FRYL: variants seen among roughly 807,000 people sequenced by gnomAD.
The protein encoded by FRYL is protein furry homolog-like.
In FRYL, 150 loss-of-function variants were observed where a neutral mutation model predicts 351.2. The ratio of observed to expected loss-of-function variants is 0.43; its 90% CI spans 0.37 to 0.49. The LOEUF is 0.49. Among genes scored for constraint, FRYL ranks in the 20% least tolerant of loss-of-function variants. FRYL has a pLI of 0.00. For missense variants in FRYL, 3,036 were observed against 3,619.3 expected, an observed-to-expected ratio of 0.84 and a Z score of 4.13; for synonymous variants, 1,153 against 1,257.1, an observed-to-expected ratio of 0.92 and a Z score of 1.75.
chr4:48,533,269 T>C (rs1728099773), intron 49 of FRYL, among the ~76,000 whole-genome samples: 1 of 150,356 alleles, frequency 6.7e-6, no homozygotes, highest in East Asian at 1.9e-4. Flanking sequence ...TTTTATAAGT[T>C]TTTTTTTTTT....
In FRYL at chr4:48,627,117, ACAGT is replaced by A. The variant is rs372242325; in HGVS notation, c.121-3942_121-3939del. 4.6e-5 allele frequency among the ~76,000 whole-genome samples: 7 copies of A among 152,308 alleles called. No homozygotes were observed. In the East Asian group the frequency reaches 1.3e-3, roughly 29 times the overall value. Reference sequence around the variant, plus strand: ...TAACTAGCTCTAACACTTCAGTGAAACAGTCAGTATGTCTCATAATAAGTCCTGT... The same window carrying A: ...TAACTAGCTCTAACACTTCAGTGAAACAGTATGTCTCATAATAAGTCCTGT... On this transcript the variant is annotated intron_variant, in intron 4 of 63. Coordinates refer to ENST00000358350, the MANE Select transcript of FRYL (RefSeq NM_015030.2).
chr4:48,615,141 T>C (rs1749167287), intron 7 of FRYL, among the ~76,000 whole-genome samples: 1 of 152,186 alleles, frequency 6.6e-6, no homozygotes, highest in African/African-American at 2.4e-5. Flanking sequence ...AATGCTTTTA[T>C]CACATTATGA....
At chr4:48,720,407 G>A (rs1034865772) in intron 1 of FRYL, among the ~76,000 whole-genome samples, 2 of 152,112 alleles carry the variant, frequency 1.3e-5, no homozygotes, top group African/African-American at 4.8e-5. Flanking sequence ...TGAGGCAGGA[G>A]AACTGCTTGA....
At chr4:48,572,482 C>G (rs1738554012) in intron 26 of FRYL, among the ~76,000 whole-genome samples, 2 of 152,162 alleles carry the variant, frequency 1.3e-5, no homozygotes, top group African/African-American at 4.8e-5. Flanking sequence ...TGTTCTTTGC[C>G]TAGAATACCT....
At chr4:48,733,964 A>T (rs1771008079) in intron 1 of FRYL, among the ~76,000 whole-genome samples, 1 of 152,196 alleles carries the variant, frequency 6.6e-6, no homozygotes, top group South Asian at 2.1e-4. Context: ...TTAGAACCAC[A>T]AAAGGCATAA....
At chr4:48,532,249 T>C (rs1727821962) in intron 49 of FRYL, among the ~76,000 whole-genome samples, 1 of 152,204 alleles carries the variant, frequency 6.6e-6, no homozygotes, top group African/African-American at 2.4e-5. Context: ...TTTGGCAGAA[T>C]TGGGTTATCC....
At chr4:48,607,519 T>A (rs1747115869) in intron 9 of FRYL, among the ~76,000 whole-genome samples, 1 of 152,156 alleles carries the variant, frequency 6.6e-6, no homozygotes, top group Non-Finnish European at 1.5e-5. Flanking sequence ...AATCCAAGGA[T>A]TTTTTCCTTT....
At chr4:48,681,685 C>CA (rs1249845889) in intron 3 of FRYL, among the ~76,000 whole-genome samples, 10 of 151,692 alleles carry the variant, frequency 6.6e-5, no homozygotes, top group Non-Finnish European at 1.3e-4. Flanking sequence ...TTTTAAACAC[C>CA]AAAAAAACTC....
chr4:48,666,838 G>T (rs533644912), intron 3 of FRYL, among the ~76,000 whole-genome samples: 1 of 151,874 alleles, frequency 6.6e-6, no homozygotes, highest in Non-Finnish European at 1.5e-5. Context: ...ATCATCAAAC[G>T]GCCCATTTAA....
intron 47 of FRYL, among the ~76,000 whole-genome samples, chr4:48,539,758 TCTAA>T (rs1168205219): frequency 1.3e-5 from 2 of 152,196 alleles, no homozygotes; most frequent in African/African-American, 4.8e-5. Context: ...GGAGTGTTAC[TCTAA>T]CTAAATAATT....
At chr4:48,590,461 C>G (rs1743012372) in intron 17 of FRYL, among the ~76,000 whole-genome samples, 198 bp downstream of exon 17, 1 of 151,784 alleles carries the variant, frequency 6.6e-6, no homozygotes. Context: ...CCAGCCTGGG[C>G]AACAAAGTGA....
intron 59 of FRYL, among the ~76,000 whole-genome samples, chr4:48,508,995 T>C (rs1721902808): frequency 6.6e-6 from 1 of 152,160 alleles, no homozygotes; most frequent in African/African-American, 2.4e-5. Context: ...CAAAGGGGTG[T>C]GGCGACAAGA....
chr4:48,667,832 G>A (rs1286204224), intron 3 of FRYL, among the ~76,000 whole-genome samples: 1 of 152,178 alleles, frequency 6.6e-6, no homozygotes, highest in Non-Finnish European at 1.5e-5. Context: ...ATTTTTAGTA[G>A]AGACAGGATT....
At position 48,707,605 on chromosome 4, in the gene FRYL, G is replaced by GA. The variant is rs561433418; in HGVS notation, c.-204+2913dup. On this transcript the variant is annotated intron_variant, in intron 2 of 63. Transcript: ENST00000358350. Reference sequence around the variant, plus strand: ...CAAAAAGTTTATTTTACAGACACTAGAAAAAAAAAATCCTGAAATAAAAAG... The same window carrying GA: ...CAAAAAGTTTATTTTACAGACACTAGAAAAAAAAAAATCCTGAAATAAAAAG... Among the ~76,000 whole-genome samples, 45 of 148,310 alleles carry GA rather than the reference G, an allele frequency of 3.0e-4. 1 individual carries two copies. The highest frequency in any genetic ancestry group is 7.4e-4 in the Admixed American group (11 of 14,944).
chr4:48,696,886 A>G (rs1578751416), intron 2 of FRYL, among the ~76,000 whole-genome samples: 1 of 151,462 alleles, frequency 6.6e-6, no homozygotes, highest in Non-Finnish European at 1.5e-5. Flanking sequence ...CTATCTATCT[A>G]TCTATCTATC....
At chr4:48,607,349 CA>C (rs919456672) in intron 9 of FRYL, among the ~76,000 whole-genome samples, 1 of 150,148 alleles carries the variant, frequency 6.7e-6, no homozygotes, top group Non-Finnish European at 1.5e-5. Context: ...GTGAGAAGAA[CA>C]AAAAAAAATT....
At chr4:48,512,744 C>A in intron 56 of FRYL, 56 bp from the exon 57 acceptor site, 1 of 1,294,354 alleles carries the variant, frequency 7.7e-7, no homozygotes, top group South Asian at 1.2e-5. Flanking sequence ...AAAGAATAGG[C>A]TCAATCACGT....
intron 4 of FRYL, among the ~76,000 whole-genome samples, chr4:48,626,269 T>C (rs1030669085): frequency 2.0e-5 from 3 of 152,132 alleles, no homozygotes; most frequent in Non-Finnish European, 4.4e-5. Context: ...TGTGTGTATA[T>C]GTGTATACAT....
Position 48,528,207 on chromosome 4 carries a change from G to C in FRYL, c.7033C>G (p.Pro2345Ala), listed in dbSNP as rs1384841326. 6.2e-7 allele frequency: 1 copy of C among 1,613,058 alleles called. No individual in the cohort carries two copies. The highest frequency in any genetic ancestry group is 8.5e-7 in the Non-Finnish European group (1 of 1,179,356). Residue 2345 changes from proline to alanine, a missense_variant, in exon 51 of 64, where the codon CCT becomes GCT. By Grantham distance (27) the Pro-to-Ala change is conservative. This residue lies in a region of FRYL where 1,987 missense variants were observed against 2,311.7 expected (regional missense o/e 0.86). Coordinates refer to ENST00000358350, the MANE Select transcript of FRYL (RefSeq NM_015030.2). ...SSGSNSNALV[P>A]VSWKRPQLSQ... is the part of the protein sequence containing the mutation. ...AACTGTGGCCTTTTCCAACTAACAG[G>C]AACCAAGGCATTAGAATTAGAACCA...
Sources: allele counts gnomAD v4.1 joint callset (sites outside exome capture counted in the v4.1 genomes callset), GRCh38; gene constraint gnomAD v4.1.1; regional missense constraint gnomAD v4.1.1; transcripts MANE v1.5; gene names NCBI Gene and HGNC (gene_info 2026-07-23, HGNC 2026-07-21).